The following TRPC6 variants were observed in gnomAD, a reference collection of about 807,000 sequenced individuals.
The protein encoded by TRPC6 is short transient receptor potential channel 6.
In TRPC6, 55 loss-of-function variants were observed where a neutral mutation model predicts 90.7. That is an observed-to-expected ratio of 0.61 (90% CI 0.49 to 0.76). TRPC6 has a LOEUF of 0.76. Among genes scored for constraint, TRPC6 ranks in the 30% least tolerant of loss-of-function variants. The pLI, the probability that TRPC6 is intolerant of heterozygous loss-of-function variation, is 0.00. For synonymous variants in TRPC6, 393 were observed against 393.0 expected (o/e 1.00, Z 0.00); for missense variants, 989 against 1,122.7 (o/e 0.88, Z 1.70).
intron 1 of TRPC6, among the ~76,000 whole-genome samples, chr11:101,535,694 T>C (rs1861029930): frequency 6.6e-6 from 1 of 152,204 alleles, no homozygotes; most frequent in Non-Finnish European, 1.5e-5. Context: ...TGATTAGGCA[T>C]ACCAATGAGC....
intron 4 of TRPC6, among the ~76,000 whole-genome samples, chr11:101,485,448 T>C (rs1480096348): frequency 2.0e-5 from 3 of 152,188 alleles, no homozygotes; most frequent in African/African-American, 7.2e-5. Flanking sequence ...TTCCATGATA[T>C]GTTTCACATA....
chr11:101,539,236 C>T (rs1190954625), intron 1 of TRPC6, among the ~76,000 whole-genome samples: 1 of 152,206 alleles, frequency 6.6e-6, no homozygotes, highest in Non-Finnish European at 1.5e-5. Flanking sequence ...TCTCGGTTTT[C>T]AGATTCCTTA....
At chr11:101,456,939 T>G (rs574163811) in intron 10 of TRPC6, among the ~76,000 whole-genome samples, 1 of 152,238 alleles carries the variant, frequency 6.6e-6, no homozygotes, top group South Asian at 2.1e-4. Flanking sequence ...ATAAAAAACT[T>G]AATGATACAG....
rs1033333384 is a variant in TRPC6, at chr11:101,573,876, C to T, written c.170+9458G>A. On this transcript the variant is annotated intron_variant, in intron 1 of 12. Transcript: ENST00000344327. ...ATGAATGGCATGGTTTGAAAAAAAT[C>T]CTGGGAACAGTAGTGAAGCTCCTTT... Among the ~76,000 whole-genome samples the T allele has an allele frequency of 4.0e-5, 6 of 149,936 alleles. 1 individual carries two copies. Among genetic ancestry groups the T allele is most frequent in the Non-Finnish European group, 5.9e-5 (4 of 67,694 alleles).
intron 10 of TRPC6, 86 bp from the exon 11 acceptor site, chr11:101,455,187 T>C (rs1858855500): frequency 2.9e-6 from 3 of 1,021,978 alleles, no homozygotes; most frequent in Non-Finnish European, 1.5e-6. Flanking sequence ...AATGAACTAA[T>C]AGTCTTACAT....
intron 9 of TRPC6, among the ~76,000 whole-genome samples, chr11:101,470,812 C>CG (rs1349227918): frequency 2.9e-5 from 2 of 68,432 alleles, no homozygotes; most frequent in African/African-American, 1.6e-4. Flanking sequence ...GCCCCGCCCC[C>CG]CCCCCCTCCC....
At chr11:101,546,850 T>C (rs1240582061) in intron 1 of TRPC6, among the ~76,000 whole-genome samples, 1 of 152,156 alleles carries the variant, frequency 6.6e-6, no homozygotes. Context: ...TAAAGGATGG[T>C]ATATTTATAC....
intron 1 of TRPC6, among the ~76,000 whole-genome samples, chr11:101,536,653 G>A (rs1464238553): frequency 6.6e-6 from 1 of 152,128 alleles, no homozygotes; most frequent in Admixed American, 6.5e-5. Context: ...GCATGTTTGA[G>A]GAGCCAAAAG....
intron 10 of TRPC6, among the ~76,000 whole-genome samples, chr11:101,455,930 A>G (rs1441842388): frequency 5.3e-5 from 8 of 152,202 alleles, no homozygotes; most frequent in Non-Finnish European, 8.8e-5. Flanking sequence ...CAATTATGGT[A>G]TAGCTGAGTT....
chr11:101,463,461 C>T (rs1859056687), intron 10 of TRPC6, among the ~76,000 whole-genome samples: 1 of 152,076 alleles, frequency 6.6e-6, no homozygotes, highest in Non-Finnish European at 1.5e-5. Flanking sequence ...GGTTGGTACG[C>T]TATTATTACT....
At position 101,452,281 on chromosome 11, in the gene TRPC6, C is replaced by T. The variant is rs201816418; in HGVS notation, c.*674G>A. On this transcript the variant is annotated 3_prime_UTR_variant, in exon 13 of 13. Coordinates refer to ENST00000344327, the MANE Select transcript of TRPC6 (RefSeq NM_004621.6). Reference sequence around the variant, plus strand: ...CTTTATGTCTGTGTGTACACATTTACACACACGCACACACACAAAACTGGA... The same window carrying T: ...CTTTATGTCTGTGTGTACACATTTATACACACGCACACACACAAAACTGGA... The T allele has an allele frequency of 9.7e-5, 14 of 143,642 alleles. No homozygotes were observed. Among genetic ancestry groups the T allele is most frequent in the African/African-American group, 4.2e-4 (14 of 33,536 alleles). The allele number at this position is 143,642 out of a possible 1,614,324, so 8.9% of individuals were successfully genotyped here.
Position 101,471,192 on chromosome 11 carries a change from C to G in TRPC6, c.2400G>C (p.Glu800Asp). The change falls in exon 9 of 13, where the codon GAG (glutamate) becomes GAC (aspartate). Residue 800 changes from glutamate (E) to aspartate (D), a missense_variant. By Grantham distance (45) the Glu-to-Asp change is conservative (BLOSUM62 2). Coordinates refer to ENST00000344327, the MANE Select transcript of TRPC6 (RefSeq NM_004621.6). ...TATCAAGCTAAGTTACCTTGTTCAT[C>G]TCTGCATCTTCCTGGAAACCTTTTT... Reference protein sequence around the residue: ...GHKKGFQEDAEMNKINEEKKL... With the variant: ...GHKKGFQEDADMNKINEEKKL... 1.2e-6 allele frequency: 2 copies of G among 1,613,866 alleles called. No individual in the cohort carries two copies. The highest frequency in any genetic ancestry group is 1.7e-6 in the Non-Finnish European group (2 of 1,179,798).
At chr11:101,542,871 CCTT>C (rs1861209195) in intron 1 of TRPC6, among the ~76,000 whole-genome samples, 1 of 151,898 alleles carries the variant, frequency 6.6e-6, no homozygotes, top group Non-Finnish European at 1.5e-5. Context: ...ATCTTTGTGA[CCTT>C]AGATTAGCAA....
At chr11:101,533,764 C>T (rs992133987) in intron 1 of TRPC6, among the ~76,000 whole-genome samples, 1 of 152,194 alleles carries the variant, frequency 6.6e-6, no homozygotes, top group South Asian at 2.1e-4. Flanking sequence ...CTCCCCATTC[C>T]TTTATTCTAA....
At chr11:101,522,414 G>C (rs778300275) in intron 1 of TRPC6, among the ~76,000 whole-genome samples, 1 of 152,034 alleles carries the variant, frequency 6.6e-6, no homozygotes, top group Non-Finnish European at 1.5e-5. Context: ...CATGCCTCCT[G>C]TACAGCCTGC....
At chr11:101,558,348 T>TATGG (rs1861625370) in intron 1 of TRPC6, among the ~76,000 whole-genome samples, 3 of 144,148 alleles carry the variant, frequency 2.1e-5, no homozygotes, top group African/African-American at 5.2e-5. Flanking sequence ...CATGTATATA[T>TATGG]GTATACATGT....
At chr11:101,561,661 A>G (rs1861717050) in intron 1 of TRPC6, among the ~76,000 whole-genome samples, 1 of 152,042 alleles carries the variant, frequency 6.6e-6, no homozygotes, top group Non-Finnish European at 1.5e-5. Flanking sequence ...TCTTCTACTC[A>G]GGAAACATAT....
chr11:101,545,728 A>G (rs1049089688), intron 1 of TRPC6, among the ~76,000 whole-genome samples: 1 of 152,130 alleles, frequency 6.6e-6, no homozygotes, highest in African/African-American at 2.4e-5. Context: ...CTATTTCTTA[A>G]AATAATTTTT....
rs1262243609 is a variant in TRPC6 at position 101,451,788 on chromosome 11, T to C, written c.*1167A>G. On this transcript the variant is annotated 3_prime_UTR_variant, in exon 13 of 13. Coordinates refer to ENST00000344327, the MANE Select transcript of TRPC6 (RefSeq NM_004621.6). ...GCATTTGAAATCTCCCATTATTGAA[T>C]TGGAAGTAGCAGTTCCAGTTAATGT... 6.6e-6 allele frequency: 1 copy of C among 152,224 alleles called. No homozygotes were observed. Among genetic ancestry groups the C allele is most frequent in the Non-Finnish European group, 1.5e-5 (1 of 68,040 alleles). 9.4% of individuals were successfully genotyped at this position (152,224 alleles called of 1,614,324 possible). A position where few individuals can be genotyped will look rare whatever the true frequency, so the allele number is the denominator to read the frequency against.
Sources: allele counts gnomAD v4.1 joint callset (sites outside exome capture counted in the v4.1 genomes callset), GRCh38; gene constraint gnomAD v4.1.1; transcripts MANE v1.5; gene names NCBI Gene and HGNC (gene_info 2026-07-23, HGNC 2026-07-21).